SEC24D: variants seen among roughly 807,000 people sequenced by gnomAD.
The protein encoded by SEC24D is SEC24 homolog D, COPII component.
SEC24D carries 69 observed loss-of-function variants against 116.9 expected under a neutral mutation model. The ratio of observed to expected loss-of-function variants is 0.59; its 90% CI spans 0.49 to 0.72. The LOEUF is 0.72. Among genes scored for constraint, SEC24D ranks in the 30% least tolerant of loss-of-function variants. The pLI is 0.00. For synonymous variants in SEC24D, 405 were observed against 442.8 expected, an observed-to-expected ratio of 0.91 and a Z score of 1.07; for missense variants, 1,131 against 1,264.1, an observed-to-expected ratio of 0.89 and a Z score of 1.60.
chr4:118,808,407 T>G lies in SEC24D; in HGVS notation c.802-2453A>C, dbSNP rs138415816. ...AATATAGTCTTCAATAGACTGAATT[T>G]CCAAAAAGTTTATTTTTAAATTATC... On this transcript the variant is annotated intron_variant, in intron 6 of 22. Transcript: ENST00000280551. Among the ~76,000 whole-genome samples the G allele has an allele frequency of 5.0e-3, 755 of 152,322 alleles. 7 individuals carry two copies. Among genetic ancestry groups the G allele is most frequent in the African/African-American group, 0.017 (711 of 41,570 alleles).
At chr4:118,834,331 G>A (rs915700653) in intron 1 of SEC24D, among the ~76,000 whole-genome samples, 8 of 152,210 alleles carry the variant, frequency 5.3e-5, no homozygotes, top group Non-Finnish European at 1.0e-4. Context: ...AGTGTTGTCA[G>A]TGGTTTTTCA....
Position 118,732,853 on chromosome 4 carries a change from G to C in SEC24D, c.2556C>G (p.Asn852Lys), listed in dbSNP as rs1166627579. 1 of 1,614,026 alleles carries C rather than the reference G, an allele frequency of 6.2e-7. No individual in the cohort carries two copies. The highest frequency in any genetic ancestry group is 1.7e-5 in the Admixed American group (1 of 60,016). Residue 852 changes from asparagine (N) to lysine (K), a missense_variant, in exon 20 of 23, where the codon AAC becomes AAG. By Grantham distance (94) the Asn-to-Lys change is moderately conservative. Coordinates refer to ENST00000280551, the MANE Select transcript of SEC24D (RefSeq NM_014822.4). ...TCTCTGGTCTGCTGAGTAGTACACA[G>C]TTTTTCAACAAGCAATTCATGTACA... ...LPVYMNCLLK[N>K]CVLLSRPEIS...
chr4:118,744,173 CA>C lies in SEC24D; in HGVS notation c.1825-16del, dbSNP rs748712504. The C allele has an allele frequency of 3.2e-4, 472 of 1,459,650 alleles. No homozygotes were observed. Among genetic ancestry groups the C allele is most frequent in the South Asian group, 9.9e-4 (72 of 72,972 alleles). The allele number at this position is 1,459,650 out of a possible 1,614,324, so 90.4% of individuals were successfully genotyped here. On this transcript the variant is annotated splice_polypyrimidine_tract_variant and intron_variant, in intron 14 of 22. Coordinates refer to ENST00000280551, the MANE Select transcript of SEC24D (RefSeq NM_014822.4). ...TGGAAAAGTATCTGGAAAAAAGATG[CA>C]AAAAAAAAGAAAAAATAAAAATTAC...
At chr4:118,775,358 A>G (rs367831180) in intron 8 of SEC24D, among the ~76,000 whole-genome samples, 1 of 133,156 alleles carries the variant, frequency 7.5e-6, no homozygotes, top group Non-Finnish European at 1.7e-5. Flanking sequence ...AAAAAAAAAA[A>G]AAAAAAAGAA....
intron 13 of SEC24D, among the ~76,000 whole-genome samples, chr4:118,747,342 C>T: frequency 6.8e-6 from 1 of 147,426 alleles, no homozygotes; most frequent in African/African-American, 2.5e-5. Context: ...TCTCGGTTCA[C>T]CACAACCTCT....
At chr4:118,835,297 C>T (rs1731044291) in intron 1 of SEC24D, among the ~76,000 whole-genome samples, 5 of 152,182 alleles carry the variant, frequency 3.3e-5, no homozygotes. Context: ...CTCACGCAAC[C>T]CAGTTTGCCA....
At chr4:118,831,468 A>G (rs1186315850) in intron 2 of SEC24D, among the ~76,000 whole-genome samples, 1 of 152,162 alleles carries the variant, frequency 6.6e-6, no homozygotes, top group Non-Finnish European at 1.5e-5. Context: ...GGTGACTGTG[A>G]CGTGCCTCAA....
At chr4:118,730,195 T>A (rs1459212767) in intron 21 of SEC24D, 1 of 152,234 alleles carries the variant, frequency 6.6e-6, no homozygotes, top group Non-Finnish European at 1.5e-5. Context: ...TTAACTTTTA[T>A]ATAAACATTC....
chr4:118,739,216 G>C lies in SEC24D; in HGVS notation c.2310C>G (p.Ser770Arg). The C allele has an allele frequency of 3.7e-6, 6 of 1,613,500 alleles. No homozygotes were observed. Among genetic ancestry groups the C allele is most frequent in the Non-Finnish European group, 5.1e-6 (6 of 1,179,484 alleles). The change falls in exon 18 of 23, where the codon AGC (serine) becomes AGG (arginine). Residue 770 changes from serine (S) to arginine (R), a missense_variant. Transcript: ENST00000280551. ...LRIHNLGLNC[S>R]SQLADLYKSC... ...TCTTATAAAGATCAGCTAGCTGAGA[G>C]CTGCAGTTTAAGCCAAGATTGTGAA... is the stretch of plus-strand genomic sequence containing the variant.
intron 8 of SEC24D, among the ~76,000 whole-genome samples, chr4:118,778,781 G>T (rs1728263467): frequency 6.6e-6 from 1 of 152,136 alleles, no homozygotes; most frequent in African/African-American, 2.4e-5. Context: ...ATTTTGTTGA[G>T]CAGTGGTTTG....
intron 6 of SEC24D, among the ~76,000 whole-genome samples, chr4:118,806,317 CTTTCT>C (rs1729676464): frequency 6.6e-6 from 1 of 151,900 alleles, no homozygotes; most frequent in Admixed American, 6.6e-5. Flanking sequence ...TAAGCATTTT[CTTTCT>C]TTTTTATTTA....
chr4:118,809,918 G>A (rs1271929971), intron 6 of SEC24D, among the ~76,000 whole-genome samples: 1 of 152,198 alleles, frequency 6.6e-6, no homozygotes, highest in Non-Finnish European at 1.5e-5. Flanking sequence ...GACATGAGCT[G>A]TGCCCTGCAT....
At chr4:118,771,297 A>G (rs1282351535) in intron 8 of SEC24D, among the ~76,000 whole-genome samples, 1 of 152,162 alleles carries the variant, frequency 6.6e-6, no homozygotes, top group Non-Finnish European at 1.5e-5. Flanking sequence ...ATATACTTTA[A>G]TATTTAGCTC....
chr4:118,737,074 C>T (rs1486988276), intron 19 of SEC24D, among the ~76,000 whole-genome samples: 1 of 152,156 alleles, frequency 6.6e-6, no homozygotes, highest in Admixed American at 6.5e-5. Flanking sequence ...TGAGATACTC[C>T]AGAAACAGAA....
chr4:118,815,857 G>A, intron 4 of SEC24D, 131 bp from the exon 5 acceptor site: 1 of 945,438 alleles, frequency 1.1e-6, no homozygotes, highest in Non-Finnish European at 1.6e-6. Context: ...CACATGTTTG[G>A]GTTTTTTGCC....
chr4:118,759,725 A>G (rs28605096), intron 10 of SEC24D, among the ~76,000 whole-genome samples: 1,532 of 152,062 alleles, frequency 0.01, 24 homozygotes, highest in African/African-American at 0.035. Flanking sequence ...TCTGTTTTTC[A>G]TTTTCTCATC....
At chr4:118,731,783 G>A (rs986092903) in intron 20 of SEC24D, among the ~76,000 whole-genome samples, 2 of 152,168 alleles carry the variant, frequency 1.3e-5, no homozygotes, top group Admixed American at 6.5e-5. Context: ...AAGTGGGATG[G>A]GGTGTGTCGC....
At chr4:118,790,480 A>C (rs1728847157) in intron 8 of SEC24D, among the ~76,000 whole-genome samples, 1 of 152,216 alleles carries the variant, frequency 6.6e-6, no homozygotes, top group Non-Finnish European at 1.5e-5. Flanking sequence ...AAATTAAAAC[A>C]CAGTTTACTA....
chr4:118,765,830 A>T (rs1324763483), intron 9 of SEC24D, among the ~76,000 whole-genome samples: 9 of 85,010 alleles, frequency 1.1e-4, no homozygotes, highest in South Asian at 4.5e-4. Context: ...TTCTTTTTTT[A>T]AAAAAAAAAC....
Sources: allele counts gnomAD v4.1 joint callset (sites outside exome capture counted in the v4.1 genomes callset), GRCh38; gene constraint gnomAD v4.1.1; transcripts MANE v1.5; gene names NCBI Gene and HGNC (gene_info 2026-07-23, HGNC 2026-07-21).